Variants in MLLT10 observed in about 807,000 individuals in gnomAD.
The protein encoded by MLLT10 is protein AF-10.
Under a neutral mutation model 129.1 loss-of-function variants are expected in MLLT10, and 30 were observed. That is an observed-to-expected ratio of 0.23 (90% CI 0.17 to 0.32). The LOEUF (loss-of-function observed/expected upper bound fraction) is 0.32. Ranked by LOEUF, MLLT10 falls within the 10% of genes least tolerant of loss-of-function variation. MLLT10 has a pLI of 1.00. For synonymous variants in MLLT10, 490 were observed against 446.4 expected (o/e 1.10, Z -1.23); for missense variants, 1,119 against 1,268.3 (o/e 0.88, Z 1.79).
chr10:21,735,479 GGTGC>G (rs2058287588), intron 21 of MLLT10, among the ~76,000 whole-genome samples: 1 of 152,148 alleles, frequency 6.6e-6, no homozygotes, highest in African/African-American at 2.4e-5. Flanking sequence ...GCTGAGATGT[GGTGC>G]GTGTTTTCCC....
At chr10:21,580,498 C>A (rs777718490) in intron 3 of MLLT10, among the ~76,000 whole-genome samples, 6 of 151,304 alleles carry the variant, frequency 4.0e-5, no homozygotes, top group African/African-American at 1.5e-4. Flanking sequence ...ACGCCATTCT[C>A]CTGCCTCAGC....
chr10:21,732,634 GGT>G (rs1245861224), intron 17 of MLLT10, among the ~76,000 whole-genome samples: 2 of 152,118 alleles, frequency 1.3e-5, no homozygotes, highest in African/African-American at 2.4e-5. Context: ...ACCTGAAGCT[GGT>G]GTGTGTTTTT....
intron 13 of MLLT10, among the ~76,000 whole-genome samples, chr10:21,708,055 C>T (rs2055701020): frequency 6.6e-6 from 1 of 152,056 alleles, no homozygotes; most frequent in African/African-American, 2.4e-5. Flanking sequence ...TTAATGTTTG[C>T]CTTGCTCCTT....
intron 3 of MLLT10, among the ~76,000 whole-genome samples, chr10:21,578,035 A>G (rs1298891614): frequency 6.6e-6 from 1 of 151,902 alleles, no homozygotes; most frequent in Admixed American, 6.6e-5. Flanking sequence ...ACCTGGGATT[A>G]CAGGTGCCCG....
chr10:21,703,152 G>T (rs1429605471), intron 13 of MLLT10, among the ~76,000 whole-genome samples: 1 of 152,122 alleles, frequency 6.6e-6, no homozygotes, highest in Admixed American at 6.5e-5. Context: ...TCCAGGTTTA[G>T]AATTCCCTTG....
intron 8 of MLLT10, 57 bp downstream of exon 8, chr10:21,617,264 T>G (rs1481501581): frequency 2.0e-5 from 20 of 1,010,622 alleles, no homozygotes; most frequent in Non-Finnish European, 2.5e-5. Flanking sequence ...GAATTTTTTT[T>G]TGCCTTTTTA....
rs1374889621 is a variant in MLLT10 at position 21,726,106 on chromosome 10, A to G, written c.1879-138A>G. The stretch of plus-strand genomic sequence containing the variant: ...TTGAATGGTAAAACAAGTAAGAACG[A>G]AATTTGCTTTTCAGAAGGTCACAAA... On this transcript the variant is annotated intron_variant, in intron 14 of 22. Transcript: ENST00000307729. 4.9e-6 allele frequency: 3 copies of G among 606,288 alleles called. 1 individual carries two copies. Among genetic ancestry groups the G allele is most frequent in the Admixed American group, 6.0e-5 (2 of 33,582 alleles). 37.6% of individuals were successfully genotyped at this position (606,288 alleles called of 1,614,324 possible).
At chr10:21,621,969 AT>A (rs1267674321) in intron 8 of MLLT10, among the ~76,000 whole-genome samples, 1 of 152,124 alleles carries the variant, frequency 6.6e-6, no homozygotes, top group East Asian at 1.9e-4. Flanking sequence ...ACAACTTCAT[AT>A]GGTTTTAGGA....
At chr10:21,631,644 T>C (rs2047024013) in intron 8 of MLLT10, among the ~76,000 whole-genome samples, 1 of 152,064 alleles carries the variant, frequency 6.6e-6, no homozygotes, top group Non-Finnish European at 1.5e-5. Context: ...AACACATCTT[T>C]ACCATGGTGG....
intron 4 of MLLT10, among the ~76,000 whole-genome samples, chr10:21,593,759 T>C (rs1433021514): frequency 6.6e-6 from 1 of 151,438 alleles, no homozygotes; most frequent in Non-Finnish European, 1.5e-5. Flanking sequence ...AAACATGGTC[T>C]CTACTAAAAA....
chr10:21,597,514 T>C (rs1359972513), intron 5 of MLLT10, among the ~76,000 whole-genome samples: 6 of 152,064 alleles, frequency 3.9e-5, no homozygotes, highest in African/African-American at 1.4e-4. Flanking sequence ...GGATTACAGG[T>C]GTACACCACC....
rs1009991699 is a variant in MLLT10, at chr10:21,584,159, C to T, written c.241-2135C>T. ...CTGGGAATACAGGCGTCAGCCACCG[C>T]GCCCAGCCTTTTTTTTTTTTTGAGA... On this transcript the variant is annotated intron_variant, in intron 3 of 22. Transcript: ENST00000307729. 1.9e-4 allele frequency among the ~76,000 whole-genome samples: 28 copies of T among 150,868 alleles called. No homozygotes were observed. The East Asian group carries it at 2.4e-3, about 13-fold the overall frequency.
chr10:21,663,378 C>CTT (rs776512240), intron 9 of MLLT10, among the ~76,000 whole-genome samples: 8 of 139,994 alleles, frequency 5.7e-5, no homozygotes, highest in East Asian at 2.0e-4. Context: ...TTTGTCTTTC[C>CTT]TTTTTTTTTT....
chr10:21,547,832 C>T (rs893512150), intron 3 of MLLT10, among the ~76,000 whole-genome samples: 2 of 152,078 alleles, frequency 1.3e-5, no homozygotes, highest in African/African-American at 2.4e-5. Context: ...AGCCACTGTG[C>T]GTCTTATTTT....
At chr10:21,669,049 TAAAGTAAGCC>T (rs943718963) in intron 9 of MLLT10, 2 of 1,373,458 alleles carry the variant, frequency 1.5e-6, no homozygotes, top group African/African-American at 2.9e-5. Flanking sequence ...TTCATATTTC[TAAAGTAAGCC>T]ATGAAGTTTC....
At chr10:21,679,075 A>G (rs975543125) in intron 11 of MLLT10, among the ~76,000 whole-genome samples, 7 of 152,242 alleles carry the variant, frequency 4.6e-5, no homozygotes, top group African/African-American at 1.7e-4. Flanking sequence ...GTAGAAGCCT[A>G]GAAAACACCT....
At chr10:21,689,546 A>AT (rs2053609589) in intron 13 of MLLT10, among the ~76,000 whole-genome samples, 1 of 108,334 alleles carries the variant, frequency 9.2e-6, no homozygotes, top group African/African-American at 3.3e-5. Flanking sequence ...TGTGTAAAGT[A>AT]ATATATATAT....
intron 3 of MLLT10, among the ~76,000 whole-genome samples, chr10:21,555,920 G>A (rs766496229): frequency 2.0e-5 from 3 of 151,246 alleles, no homozygotes; most frequent in East Asian, 2.0e-4. Flanking sequence ...ACCTGCCTCC[G>A]TCTCCAAAAG....
At chr10:21,698,603 A>G (rs1702373183) in intron 13 of MLLT10, among the ~76,000 whole-genome samples, 1 of 152,224 alleles carries the variant, frequency 6.6e-6, no homozygotes, top group Non-Finnish European at 1.5e-5. Context: ...TGGGATTGCT[A>G]GATCATGTGG....
Sources: gnomAD v4.1 joint callset for allele counts (sites outside exome capture counted in the v4.1 genomes callset) on GRCh38, gnomAD v4.1.1 for gene constraint, MANE v1.5 for transcripts, NCBI Gene and HGNC (gene_info 2026-07-23, HGNC 2026-07-21) for gene names.